The following PRR16 variants were observed in gnomAD, a reference collection of about 807,000 sequenced individuals.
PRR16 encodes protein Largen.
In PRR16, 6 loss-of-function variants were observed where a neutral mutation model predicts 18.2. The observed-to-expected ratio is 0.33, with a 90% CI of 0.18 to 0.65. The LOEUF (loss-of-function observed/expected upper bound fraction) is 0.65, where lower values mean the gene tolerates loss of function less well. Ranked by LOEUF, PRR16 falls within the 30% of genes least tolerant of loss-of-function variation. PRR16 has a pLI of 0.74. For synonymous variants in PRR16, 151 were observed against 147.8 expected, an observed-to-expected ratio of 1.02 and a Z score of -0.16; for missense variants, 412 against 376.6, an observed-to-expected ratio of 1.09 and a Z score of -0.78.
At chr5:120,725,972 C>A in the PRR16 span, among the ~76,000 whole-genome samples, 54 of 152,010 alleles carry the variant, frequency 3.6e-4, no homozygotes, top group Middle Eastern at 3.4e-3. Flanking sequence ...CTGTGGGTGA[C>A]GTAGTCATGC....
chr5:120,620,554 C>T (rs1258537824), intron 1 of PRR16, among the ~76,000 whole-genome samples: 2 of 152,124 alleles, frequency 1.3e-5, no homozygotes, highest in African/African-American at 4.8e-5. Flanking sequence ...TGTGAAAATA[C>T]CAGAGAGTAC....
intron 1 of PRR16, among the ~76,000 whole-genome samples, chr5:120,625,012 G>A (rs187938702): frequency 3.3e-5 from 5 of 152,306 alleles, no homozygotes; most frequent in Middle Eastern, 3.4e-3. Flanking sequence ...CCCCAGCCAC[G>A]TGGAACTGTA....
At chr5:120,638,400 C>T (rs1755312778) in intron 1 of PRR16, among the ~76,000 whole-genome samples, 1 of 152,014 alleles carries the variant, frequency 6.6e-6, no homozygotes, top group African/African-American at 2.4e-5. Flanking sequence ...GTATTTGAGC[C>T]ATTTTTTGGA....
intron 1 of PRR16, among the ~76,000 whole-genome samples, chr5:120,638,860 T>A (rs1346098750): frequency 6.6e-6 from 1 of 152,128 alleles, no homozygotes; most frequent in African/African-American, 2.4e-5. Flanking sequence ...CAATTTATAA[T>A]AATGGCCCCA....
chr5:120,469,274 T>C (rs1291530957), intron 1 of PRR16, among the ~76,000 whole-genome samples: 1 of 152,218 alleles, frequency 6.6e-6, no homozygotes, highest in Non-Finnish European at 1.5e-5. Flanking sequence ...AATGAGCCCA[T>C]GCATAAAAAA....
At chr5:120,786,110 G>A in the PRR16 span, among the ~76,000 whole-genome samples, 1 of 147,848 alleles carries the variant, frequency 6.8e-6, no homozygotes, top group Non-Finnish European at 1.5e-5. Flanking sequence ...TGGTTTCTTG[G>A]GTTAAATGCA....
intron 1 of PRR16, among the ~76,000 whole-genome samples, chr5:120,652,241 T>C (rs1755816634): frequency 6.6e-6 from 1 of 152,100 alleles, no homozygotes. Context: ...TATGTTTTTT[T>C]TGTTTATTGA....
At chr5:120,694,367 A>C in the PRR16 span, among the ~76,000 whole-genome samples, 1 of 152,176 alleles carries the variant, frequency 6.6e-6, no homozygotes, top group Admixed American at 6.5e-5. Context: ...ACATTTTGTG[A>C]ATTAGAAAGT....
chr5:120,707,241 G>T, the PRR16 span, among the ~76,000 whole-genome samples: 1 of 152,288 alleles, frequency 6.6e-6, no homozygotes, highest in South Asian at 2.1e-4. Context: ...AGGCTTGGAG[G>T]TGTTACTTTT....
chr5:120,626,107 T>G (rs1235401354), intron 1 of PRR16, among the ~76,000 whole-genome samples: 3 of 152,158 alleles, frequency 2.0e-5, no homozygotes, highest in Non-Finnish European at 4.4e-5. Flanking sequence ...TAGTAACAAT[T>G]TCCCCAAGGC....
At chr5:120,782,994 A>C in the PRR16 span, among the ~76,000 whole-genome samples, 3 of 152,138 alleles carry the variant, frequency 2.0e-5, no homozygotes, top group Non-Finnish European at 4.4e-5. Flanking sequence ...TCAATATAAG[A>C]AGAACTTACT....
At chr5:120,665,670 A>G (rs1044179393) in intron 1 of PRR16, among the ~76,000 whole-genome samples, 11 of 152,156 alleles carry the variant, frequency 7.2e-5, no homozygotes, top group South Asian at 2.1e-4. Flanking sequence ...TCAGCTTTCT[A>G]CGTATGGCTA....
chr5:120,588,498 C>G (rs1753526076), intron 1 of PRR16, among the ~76,000 whole-genome samples: 1 of 152,130 alleles, frequency 6.6e-6, no homozygotes. Flanking sequence ...AGAGCTTCTA[C>G]CATTAGAAGG....
At chr5:120,472,767 A>T (rs928756017) in intron 1 of PRR16, among the ~76,000 whole-genome samples, 7 of 152,080 alleles carry the variant, frequency 4.6e-5, no homozygotes, top group African/African-American at 1.7e-4. Flanking sequence ...TTCTCTTAGG[A>T]TGTGATGTCA....
intron 1 of PRR16, among the ~76,000 whole-genome samples, chr5:120,604,039 G>T (rs570994041): frequency 5.3e-5 from 8 of 151,894 alleles, no homozygotes; most frequent in Non-Finnish European, 1.0e-4. Flanking sequence ...TTGTTGTTGG[G>T]TGTAGTATTC....
chr5:120,504,377 A>G (rs897128630), intron 1 of PRR16, among the ~76,000 whole-genome samples: 2 of 152,234 alleles, frequency 1.3e-5, no homozygotes, highest in African/African-American at 4.8e-5. Context: ...CAAAAGGGTC[A>G]GGAATTATTT....
intron 1 of PRR16, 78 bp from the exon 2 acceptor site, chr5:120,685,876 C>T: frequency 7.0e-7 from 1 of 1,427,476 alleles, no homozygotes; most frequent in Non-Finnish European, 9.5e-7. Context: ...GCAGATTTCC[C>T]CTAGACAAAA....
chr5:120,656,380 G>A (rs1755976696), intron 1 of PRR16, among the ~76,000 whole-genome samples: 1 of 145,844 alleles, frequency 6.9e-6, no homozygotes, highest in Non-Finnish European at 1.5e-5. Context: ...GCTATCATGT[G>A]AAAACTGTTA....
intron 1 of PRR16, among the ~76,000 whole-genome samples, chr5:120,562,746 CA>C: frequency 6.6e-6 from 1 of 152,080 alleles, no homozygotes; most frequent in Non-Finnish European, 1.5e-5. Context: ...CATAAACAGA[CA>C]AAAACATGGA....
Sources: allele counts gnomAD v4.1 joint callset (sites outside exome capture counted in the v4.1 genomes callset), GRCh38; gene constraint gnomAD v4.1.1; transcripts MANE v1.5; gene names NCBI Gene and HGNC (gene_info 2026-07-23, HGNC 2026-07-21).